DHX36: variants seen among roughly 807,000 people sequenced by gnomAD.
DHX36 encodes ATP-dependent DNA/RNA helicase DHX36.
DHX36 carries 50 observed loss-of-function variants against 139.0 expected under a neutral mutation model. The ratio of observed to expected loss-of-function variants is 0.36; its 90% CI spans 0.29 to 0.46. The LOEUF is 0.46. Among genes scored for constraint, DHX36 ranks in the 20% least tolerant of loss-of-function variants. The probability of loss-of-function intolerance (pLI) is 1.00; values close to 1 mark genes in which losing one functional copy is unlikely to be tolerated. For missense variants in DHX36, 1,024 were observed against 1,211.3 expected (o/e 0.85, Z 2.29); for synonymous variants, 425 against 401.9 (o/e 1.06, Z -0.69).
chr3:154,287,800 G>A (rs991829411), intron 17 of DHX36, among the ~76,000 whole-genome samples: 2 of 151,988 alleles, frequency 1.3e-5, no homozygotes, highest in Non-Finnish European at 2.9e-5. Flanking sequence ...CAACCTAACA[G>A]AAGACACTAG....
chr3:154,281,152 C>T (rs979354641), intron 20 of DHX36, among the ~76,000 whole-genome samples: 6 of 152,022 alleles, frequency 3.9e-5, no homozygotes, highest in South Asian at 2.1e-4. Context: ...AAATATTACC[C>T]GACTTTTCAC....
At chr3:154,281,548 A>C (rs758917793) in intron 20 of DHX36, among the ~76,000 whole-genome samples, 107 of 152,256 alleles carry the variant, frequency 7.0e-4, no homozygotes, top group Middle Eastern at 3.4e-3. Context: ...ATTCTTTATA[A>C]AACAATTAAC....
rs1719116667 is a variant in DHX36 at position 154,275,427 on chromosome 3, T to C, written c.*744A>G. The C allele has an allele frequency of 6.7e-6, 1 of 150,248 alleles. No individual in the cohort carries two copies. The highest frequency in any genetic ancestry group is 6.7e-5 in the Admixed American group (1 of 14,928). The allele number at this position is 150,248 out of a possible 1,614,324, so 9.3% of individuals were successfully genotyped here. A position where few individuals can be genotyped will look rare whatever the true frequency, so the allele number is the denominator to read the frequency against. On this transcript the variant is annotated 3_prime_UTR_variant, in exon 25 of 25. Transcript: ENST00000496811. ...GTTGTTTGAATCCACAGATGTGGAA[T>C]GCATGGATATGAAGGGCCAACTGTA...
chr3:154,304,747 AT>A lies in DHX36; in HGVS notation c.1135+58del, dbSNP rs561970055. The A allele has an allele frequency of 1.1e-3, 1,516 of 1,322,928 alleles. 16 individuals are homozygous for A. The African/African-American group carries it at 0.02, about 18-fold the overall frequency. The allele number at this position is 1,322,928 out of a possible 1,614,324, so 81.9% of individuals were successfully genotyped here. On this transcript the variant is annotated intron_variant, in intron 8 of 24. Coordinates refer to ENST00000496811, the MANE Select transcript of DHX36 (RefSeq NM_020865.3). ...CTACTCTTTACCTAGTACCATATTA[AT>A]TTTTTTAATTGTTTTTCTAGTACCT...
At chr3:154,309,573 C>T in intron 5 of DHX36, 80 bp downstream of exon 5, 4 of 1,285,406 alleles carry the variant, frequency 3.1e-6, no homozygotes, top group Non-Finnish European at 4.2e-6. Flanking sequence ...TTAAGAATCA[C>T]TCCACACCTT....
chr3:154,281,328 T>C (rs931132519), intron 20 of DHX36, among the ~76,000 whole-genome samples: 1 of 151,974 alleles, frequency 6.6e-6, no homozygotes, highest in Non-Finnish European at 1.5e-5. Flanking sequence ...TACTGAGAAT[T>C]AAATATGGTT....
intron 4 of DHX36, 59 bp downstream of exon 4, chr3:154,311,577 A>T: frequency 7.0e-7 from 1 of 1,419,710 alleles, no homozygotes; most frequent in South Asian, 1.3e-5. Context: ...ATAGAGCTTT[A>T]AAAAAAATTG....
chr3:154,279,254 G>A (rs1290977912), intron 22 of DHX36: 1 of 152,082 alleles, frequency 6.6e-6, no homozygotes, highest in East Asian at 1.9e-4. Flanking sequence ...TAGACAACAT[G>A]AAAACAACAT....
chr3:154,278,066 T>G (rs189588), intron 22 of DHX36, among the ~76,000 whole-genome samples: 137,764 of 152,028 alleles, frequency 0.91, 62,652 homozygotes, highest in East Asian at 1. Context: ...GAAGAATAAA[T>G]AACAAAAAAG....
At chr3:154,300,539 G>T in intron 11 of DHX36, 55 bp downstream of exon 11, 2 of 1,380,864 alleles carry the variant, frequency 1.4e-6, no homozygotes, top group African/African-American at 2.9e-5. Context: ...TCATGGCCTT[G>T]ATACGTTAAT....
rs1719080095 is a variant in DHX36 at position 154,274,243 on chromosome 3, G to A, written c.*1928C>T. The A allele has an allele frequency of 6.5e-6, 1 of 154,076 alleles. No individual in the cohort carries two copies. The highest frequency in any genetic ancestry group is 2.4e-5 in the African/African-American group (1 of 41,420). 9.5% of individuals were successfully genotyped at this position (154,076 alleles called of 1,614,324 possible). On this transcript the variant is annotated 3_prime_UTR_variant, in exon 25 of 25. Coordinates refer to ENST00000496811, the MANE Select transcript of DHX36 (RefSeq NM_020865.3). ...GGATCACTTGAACCCAGGAAGTCGA[G>A]GCTGCAGTGAACCAAGATCACACCA...
In DHX36 at chr3:154,324,267, C is replaced by T; in HGVS notation, c.150G>A (p.Arg50=). 1.2e-6 allele frequency: 2 copies of T among 1,613,630 alleles called. No individual in the cohort carries two copies. The highest frequency in any genetic ancestry group is 1.7e-6 in the Non-Finnish European group (2 of 1,179,782). ...CTTTCAGGTGCCCGGGATGCCGGCC[C>T]CTGCCGCCTCGACCACCCCCTCCGC... is the stretch of plus-strand genomic sequence containing the variant. The part of the protein sequence containing the change: ...GGGGGGGRGG[R]GRHPGHLKGR... The change falls in exon 1 of 25, where the codon AGG becomes AGA. Residue 50 remains arginine, a synonymous_variant. Coordinates refer to ENST00000496811, the MANE Select transcript of DHX36 (RefSeq NM_020865.3).
chr3:154,322,402 G>C (rs1488836644), intron 1 of DHX36, among the ~76,000 whole-genome samples: 1 of 152,218 alleles, frequency 6.6e-6, no homozygotes, highest in Non-Finnish European at 1.5e-5. Context: ...ACAATGCAGA[G>C]CAAGAATGGA....
chr3:154,277,460 G>A, intron 23 of DHX36, 138 bp downstream of exon 23: 2 of 693,702 alleles, frequency 2.9e-6, no homozygotes. Flanking sequence ...TTATTTGTTA[G>A]AGGGAAAAAG....
intron 9 of DHX36, among the ~76,000 whole-genome samples, chr3:154,301,767 G>C (rs1049819195): frequency 6.6e-6 from 1 of 152,082 alleles, no homozygotes; most frequent in Non-Finnish European, 1.5e-5. Flanking sequence ...TAAAACCATA[G>C]AGGGCGCATC....
intron 22 of DHX36, chr3:154,280,214 A>C (rs570245331): frequency 1.7e-5 from 3 of 171,448 alleles, no homozygotes; most frequent in African/African-American, 7.1e-5. Flanking sequence ...TGTTATTCAA[A>C]GAGCTAAGTT....
Position 154,316,108 on chromosome 3 carries a change from T to C in DHX36, c.299A>G (p.Asn100Ser). 2 of 1,613,394 alleles carry C rather than the reference T, an allele frequency of 1.2e-6. No individual in the cohort carries two copies. The highest frequency in any genetic ancestry group is 8.5e-7 in the Non-Finnish European group (1 of 1,179,570). ...RREEQIVQLLNSVQAKNDKES... is the reference protein window; with the variant it reads ...RREEQIVQLLSSVQAKNDKES... ...TTTATCATTCTTCGCTTGAACAGAA[T>C]TCAGTAACTGTACAATTTGTTCTTC... Residue 100 changes from asparagine to serine, a missense_variant, in exon 2 of 25, where the codon AAT (asparagine) becomes AGT (serine). Asn to Ser is a conservative substitution (Grantham distance 46, BLOSUM62 1). Coordinates refer to ENST00000496811, the MANE Select transcript of DHX36 (RefSeq NM_020865.3).
rs1719106051 is a variant in DHX36 at position 154,275,036 on chromosome 3, G to C, written c.*1135C>G. On this transcript the variant is annotated 3_prime_UTR_variant, in exon 25 of 25. Coordinates refer to ENST00000496811, the MANE Select transcript of DHX36 (RefSeq NM_020865.3). ...AGGGACAAATAACAACTAAGATTCA[G>C]AGAGTACAGGCACTAGCCTATGTGC... 6.6e-6 allele frequency: 1 copy of C among 152,220 alleles called. No homozygotes were observed. The highest frequency in any genetic ancestry group is 6.5e-5 in the Admixed American group (1 of 15,280). The allele number at this position is 152,220 out of a possible 1,614,324, so 9.4% of individuals were successfully genotyped here.
Position 154,288,892 on chromosome 3 carries a change from G to A in DHX36, c.2005C>T (p.Leu669Phe), listed in dbSNP as rs1576861615. Residue 669 changes from leucine (L) to phenylalanine (F), a missense_variant, in exon 17 of 25, where the codon CTC becomes TTC. Leu to Phe is a conservative substitution (Grantham distance 22). Around this residue, in one of 4 missense-constraint regions of DHX36, gnomAD observed 470 missense variants for 616.2 expected, o/e 0.76. Transcript: ENST00000496811. ...AGCTCCATCAGGTGTCTTATGGAGA[G>A]TAACACTGCCTCATTTGATGGTGGG... ...MDPPSNEAVL[L>F]SIRHLMELNA... 2 of 1,590,470 alleles carry A rather than the reference G, an allele frequency of 1.3e-6. No individual in the cohort carries two copies. The highest frequency in any genetic ancestry group is 1.2e-5 in the South Asian group (1 of 85,892).
Sources: allele counts gnomAD v4.1 joint callset (sites outside exome capture counted in the v4.1 genomes callset), GRCh38; gene constraint gnomAD v4.1.1; regional missense constraint gnomAD v4.1.1; transcripts MANE v1.5; gene names NCBI Gene and HGNC (gene_info 2026-07-23, HGNC 2026-07-21).